ITGAV: variants seen among roughly 807,000 people sequenced by gnomAD.
The protein encoded by ITGAV is integrin subunit alpha V.
Under a neutral mutation model 143.8 loss-of-function variants are expected in ITGAV, and 76 were observed. The observed-to-expected ratio is 0.53, with a 90% CI of 0.44 to 0.64. The LOEUF (loss-of-function observed/expected upper bound fraction) is 0.64. Ranked by LOEUF, ITGAV falls within the 30% of genes least tolerant of loss-of-function variation. The probability of loss-of-function intolerance (pLI) is 0.00; values close to 1 mark genes in which losing one functional copy is unlikely to be tolerated. For synonymous variants in ITGAV, 453 were observed against 446.7 expected (o/e 1.01, Z -0.18); for missense variants, 1,193 against 1,274.7 (o/e 0.94, Z 0.98).
Position 186,665,113 on chromosome 2 carries a change from T to TG in ITGAV, c.2074-11dup. 1.6e-6 allele frequency: 2 copies of TG among 1,269,592 alleles called. No homozygotes were observed. The highest frequency in any genetic ancestry group is 2.2e-6 in the Non-Finnish European group (2 of 925,746). The allele number at this position is 1,269,592 out of a possible 1,614,324, so 78.6% of individuals were successfully genotyped here. ...TCATATCCATTTTTTTTTTTTTTTT[T>TG]GGTCTATCAAAGGCCTTAGCAAGAC... On this transcript the variant is annotated splice_polypyrimidine_tract_variant and intron_variant, in intron 20 of 29. Transcript: ENST00000261023.
In ITGAV at chr2:186,641,367, G is replaced by C; in HGVS notation, c.957-19G>C. 2.5e-6 allele frequency: 4 copies of C among 1,602,548 alleles called. No homozygotes were observed. Among genetic ancestry groups the C allele is most frequent in the Non-Finnish European group, 3.4e-6 (4 of 1,170,008 alleles). Reference sequence around the variant, plus strand: ...ATGAAATTTGTTCTTGCTTTGGTGAGAAGTTTCTGTTCTTCTAGTTATGCA... The same window carrying C: ...ATGAAATTTGTTCTTGCTTTGGTGACAAGTTTCTGTTCTTCTAGTTATGCA... On this transcript the variant is annotated intron_variant, in intron 11 of 29. Transcript: ENST00000261023.
chr2:186,603,660 T>C (rs1448200542), intron 2 of ITGAV, among the ~76,000 whole-genome samples: 1 of 152,126 alleles, frequency 6.6e-6, no homozygotes, highest in East Asian at 1.9e-4. Context: ...GAAACCACAG[T>C]TTAGATTTTG....
chr2:186,647,511 C>A (rs1054356499), intron 13 of ITGAV, among the ~76,000 whole-genome samples: 1 of 152,146 alleles, frequency 6.6e-6, no homozygotes, highest in Non-Finnish European at 1.5e-5. Context: ...GTTGGGAATA[C>A]AGGCGTGAGC....
At chr2:186,593,345 A>G (rs1686665338) in intron 1 of ITGAV, among the ~76,000 whole-genome samples, 1 of 152,196 alleles carries the variant, frequency 6.6e-6, no homozygotes. Flanking sequence ...AGGACAAAGT[A>G]CTAAGCAAAA....
chr2:186,620,434 T>C (rs545537739), intron 2 of ITGAV, among the ~76,000 whole-genome samples: 9 of 152,204 alleles, frequency 5.9e-5, no homozygotes, highest in African/African-American at 2.2e-4. Flanking sequence ...TTTCAGAGAC[T>C]AGGGACGAAG....
chr2:186,625,656 TGTGTGG>T (rs1171553566), intron 4 of ITGAV, 69 bp downstream of exon 4: 25 of 622,748 alleles, frequency 4.0e-5, no homozygotes, highest in African/African-American at 2.1e-4. Flanking sequence ...AAAATATGTG[TGTGTGG>T]GTGTGTGTGT....
chr2:186,595,880 A>C (rs950266723), intron 1 of ITGAV, among the ~76,000 whole-genome samples: 1 of 152,152 alleles, frequency 6.6e-6, no homozygotes, highest in African/African-American at 2.4e-5. Context: ...CCTCGCCACC[A>C]TTGATAAGAA....
intron 2 of ITGAV, among the ~76,000 whole-genome samples, chr2:186,617,927 A>G (rs1687412459): frequency 6.6e-6 from 1 of 152,108 alleles, no homozygotes; most frequent in African/African-American, 2.4e-5. Flanking sequence ...TTCCTTTTCA[A>G]GTGTGTCAGC....
chr2:186,638,246 A>C (rs201525624), intron 8 of ITGAV, 31 bp from the exon 9 acceptor site: 1 of 1,609,074 alleles, frequency 6.2e-7, no homozygotes, highest in Non-Finnish European at 8.5e-7. Flanking sequence ...TGTCCTAAAA[A>C]ATGAATAATT....
At chr2:186,661,496 C>T (rs1688742993) in intron 18 of ITGAV, among the ~76,000 whole-genome samples, 1 of 152,052 alleles carries the variant, frequency 6.6e-6, no homozygotes, top group Non-Finnish European at 1.5e-5. Context: ...TTTCTGCTCC[C>T]TAATCCTTTG....
chr2:186,665,032 T>A, intron 20 of ITGAV, 94 bp from the exon 21 acceptor site: 1 of 813,294 alleles, frequency 1.2e-6, no homozygotes, highest in Non-Finnish European at 1.9e-6. Context: ...TCAACTAGAT[T>A]TATTTGCTTA....
chr2:186,603,458 T>A (rs574681160), intron 2 of ITGAV, among the ~76,000 whole-genome samples: 1 of 149,220 alleles, frequency 6.7e-6, no homozygotes, highest in East Asian at 2.0e-4. Context: ...GTTTTCAGGG[T>A]TTTTTTTTTC....
At position 186,636,015 on chromosome 2, in the gene ITGAV, A is replaced by G. The variant is rs1687937251; in HGVS notation, c.632-67A>G. 3 of 1,373,854 alleles carry G rather than the reference A, an allele frequency of 2.2e-6. No individual in the cohort carries two copies. The South Asian group carries it at 3.9e-5, about 18-fold the overall frequency. 85.1% of individuals were successfully genotyped at this position (1,373,854 alleles called of 1,614,324 possible). A position where few individuals can be genotyped will look rare whatever the true frequency, so the allele number is the denominator to read the frequency against. ...TATTGTTTTCCTTCATGCAGGTACC[A>G]TACATTATCTGTATCATAAAGTTTC... is the stretch of plus-strand genomic sequence containing the variant. On this transcript the variant is annotated intron_variant, in intron 6 of 29. Transcript: ENST00000261023.
chr2:186,645,841 G>A (rs1379138320), intron 12 of ITGAV, among the ~76,000 whole-genome samples: 4 of 152,012 alleles, frequency 2.6e-5, no homozygotes, highest in Non-Finnish European at 4.4e-5. Flanking sequence ...GCATGGTGGC[G>A]GGCGCCTGTA....
intron 22 of ITGAV, 37 bp downstream of exon 22, chr2:186,666,820 A>T (rs201238726): frequency 9.0e-7 from 1 of 1,104,980 alleles, no homozygotes; most frequent in Non-Finnish European, 1.3e-6. Context: ...TAACTATCAA[A>T]TAAATATTAT....
In ITGAV at chr2:186,659,020, A is replaced by G. The variant is rs769762700; in HGVS notation, c.1720-18A>G. On this transcript the variant is annotated intron_variant, in intron 17 of 29. Coordinates refer to ENST00000261023, the MANE Select transcript of ITGAV (RefSeq NM_002210.5). Reference sequence around the variant, plus strand: ...TTAGGTTGACGTTATCATTAATTCAAAGCGTTTCCATTTCTAGGATGAATC... The same window carrying G: ...TTAGGTTGACGTTATCATTAATTCAGAGCGTTTCCATTTCTAGGATGAATC... 5 of 1,597,512 alleles carry G rather than the reference A, an allele frequency of 3.1e-6. No homozygotes were observed. The highest frequency in any genetic ancestry group is 1.3e-5 in the African/African-American group (1 of 74,238).
At chr2:186,602,657 T>A (rs1008833569) in intron 2 of ITGAV, among the ~76,000 whole-genome samples, 2 of 152,126 alleles carry the variant, frequency 1.3e-5, no homozygotes, top group Non-Finnish European at 2.9e-5. Flanking sequence ...GGCAGGCAGA[T>A]CACGAGGTCA....
At chr2:186,640,841 C>A in intron 10 of ITGAV, 74 bp from the exon 11 acceptor site, 1 of 1,169,340 alleles carries the variant, frequency 8.6e-7, no homozygotes, top group Non-Finnish European at 1.2e-6. Context: ...CTATTTGGTA[C>A]ATATATTACA....
chr2:186,658,859 T>C (rs1226169726), intron 17 of ITGAV, among the ~76,000 whole-genome samples, 179 bp from the exon 18 acceptor site: 2 of 152,160 alleles, frequency 1.3e-5, no homozygotes, highest in Admixed American at 1.3e-4. Context: ...AGGCTCTTAC[T>C]TGATAAGGAT....
Sources: allele counts gnomAD v4.1 joint callset (sites outside exome capture counted in the v4.1 genomes callset), GRCh38; gene constraint gnomAD v4.1.1; transcripts MANE v1.5; gene names NCBI Gene and HGNC (gene_info 2026-07-23, HGNC 2026-07-21).